The following UBAP2 variants were observed in gnomAD, a reference collection of about 807,000 sequenced individuals.
UBAP2 encodes ubiquitin-associated protein 2.
In UBAP2, 75 loss-of-function variants were observed where a neutral mutation model predicts 139.6. The ratio of observed to expected loss-of-function variants is 0.54; its 90% confidence interval spans 0.45 to 0.65. UBAP2 has a LOEUF of 0.65. Among genes scored for constraint, UBAP2 ranks in the 30% least tolerant of loss-of-function variants. The pLI, the probability that UBAP2 is intolerant of heterozygous loss-of-function variation, is 0.00. For missense variants in UBAP2, 1,368 were observed against 1,369.6 expected (o/e 1.00, Z 0.02); for synonymous variants, 526 against 526.2 (o/e 1.00, Z 0.01).
chr9:33,987,181 C>T (rs141204564), intron 5 of UBAP2, among the ~76,000 whole-genome samples: 470 of 151,960 alleles, frequency 3.1e-3, no homozygotes, highest in African/African-American at 0.011. Flanking sequence ...GAGGCTGAGG[C>T]GGGTGGATCA....
intron 7 of UBAP2, among the ~76,000 whole-genome samples, chr9:33,972,833 C>A (rs947148578): frequency 3.9e-5 from 6 of 152,130 alleles, no homozygotes; most frequent in African/African-American, 1.4e-4. Flanking sequence ...CATTTAGGTA[C>A]GTCTATAGGT....
At chr9:34,024,559 A>C (rs1825244776) in intron 1 of UBAP2, among the ~76,000 whole-genome samples, 1 of 152,204 alleles carries the variant, frequency 6.6e-6, no homozygotes, top group Non-Finnish European at 1.5e-5. Flanking sequence ...TCCAGAGATG[A>C]AACAGGTTTC....
intron 8 of UBAP2, among the ~76,000 whole-genome samples, chr9:33,964,492 C>T (rs537106039): frequency 4.6e-5 from 7 of 152,132 alleles, no homozygotes; most frequent in South Asian, 4.2e-4. Context: ...GCACAACATT[C>T]GGCTTCAAAG....
At chr9:34,015,077 GAAGCACTTTT>G (rs1305802218) in intron 2 of UBAP2, among the ~76,000 whole-genome samples, 1 of 152,320 alleles carries the variant, frequency 6.6e-6, no homozygotes, top group East Asian at 1.9e-4. Context: ...GTGATTTTAA[GAAGCACTTTT>G]AATTAACTAT....
At chr9:34,043,085 C>A (rs1394336507) in intron 1 of UBAP2, among the ~76,000 whole-genome samples, 2 of 152,238 alleles carry the variant, frequency 1.3e-5, no homozygotes, top group Non-Finnish European at 1.5e-5. Context: ...AACAACTCTA[C>A]ATATGTGTTT....
At chr9:33,959,724 C>G (rs890792779) in intron 10 of UBAP2, among the ~76,000 whole-genome samples, 1 of 152,056 alleles carries the variant, frequency 6.6e-6, no homozygotes, top group African/African-American at 2.4e-5. Flanking sequence ...AAAAAAGGTT[C>G]TTCTAGTCAA....
At chr9:34,018,291 C>A (rs890190676) in intron 1 of UBAP2, among the ~76,000 whole-genome samples, 1 of 149,196 alleles carries the variant, frequency 6.7e-6, no homozygotes, top group Non-Finnish European at 1.5e-5. Flanking sequence ...AGAAAACCTG[C>A]TAGACAAATT....
intron 1 of UBAP2, among the ~76,000 whole-genome samples, chr9:34,029,212 C>A (rs773045005): frequency 6.6e-6 from 1 of 152,160 alleles, no homozygotes; most frequent in African/African-American, 2.4e-5. Context: ...CCCAAGAGAA[C>A]TGAAAACACG....
intron 1 of UBAP2, among the ~76,000 whole-genome samples, chr9:34,039,941 T>C (rs994687710): frequency 1.3e-5 from 2 of 150,234 alleles, no homozygotes; most frequent in African/African-American, 2.4e-5. Context: ...GGCGATCACC[T>C]GAGGTCGGGA....
At chr9:33,992,875 G>A (rs1821842260) in intron 4 of UBAP2, among the ~76,000 whole-genome samples, 1 of 152,174 alleles carries the variant, frequency 6.6e-6, no homozygotes, top group African/African-American at 2.4e-5. Context: ...CAGGTCTGAA[G>A]AAACTCTAAG....
At chr9:34,039,194 G>A (rs1368040302) in intron 1 of UBAP2, among the ~76,000 whole-genome samples, 2 of 150,604 alleles carry the variant, frequency 1.3e-5, no homozygotes, top group East Asian at 4.0e-4. Context: ...GGGAGGTGGG[G>A]GGCAGCCCCC....
intron 10 of UBAP2, among the ~76,000 whole-genome samples, chr9:33,957,492 A>G (rs1262094503): frequency 1.3e-5 from 2 of 152,334 alleles, no homozygotes; most frequent in East Asian, 1.9e-4. Flanking sequence ...AGAATTTTAA[A>G]TGAAATCATA....
intron 6 of UBAP2, among the ~76,000 whole-genome samples, chr9:33,975,440 A>AC (rs1393102601): frequency 7.0e-6 from 1 of 143,340 alleles, no homozygotes; most frequent in African/African-American, 2.8e-5. Context: ...TTTAAAAAAA[A>AC]AAAACAAAAA....
chr9:33,934,722 T>TA (rs1348715295), intron 17 of UBAP2, among the ~76,000 whole-genome samples: 1 of 151,278 alleles, frequency 6.6e-6, no homozygotes, highest in African/African-American at 2.4e-5. Flanking sequence ...GAGAAGAGAG[T>TA]ATGGGAAATG....
intron 6 of UBAP2, among the ~76,000 whole-genome samples, chr9:33,977,363 A>G (rs1423781481): frequency 6.6e-6 from 1 of 152,096 alleles, no homozygotes; most frequent in Non-Finnish European, 1.5e-5. Context: ...AAAATTAAAA[A>G]ATCTAATCCA....
intron 6 of UBAP2, among the ~76,000 whole-genome samples, chr9:33,973,867 C>CAGGCAAAAAAAGAAAAAAT (rs1828090878): frequency 6.6e-6 from 1 of 152,058 alleles, no homozygotes; most frequent in African/African-American, 2.4e-5. Flanking sequence ...ACTAAAACTA[C>CAGGCAAAAAAAGAAAAAAT]AGGCAAAAAA....
chr9:34,009,700 T>G (rs1406497594), intron 2 of UBAP2, among the ~76,000 whole-genome samples: 1 of 151,672 alleles, frequency 6.6e-6, no homozygotes, highest in Admixed American at 6.6e-5. Context: ...ACTCAAGCAA[T>G]CCTCCCACCT....
At chr9:33,980,648 T>A (rs1186569920) in intron 6 of UBAP2, among the ~76,000 whole-genome samples, 1 of 152,036 alleles carries the variant, frequency 6.6e-6, no homozygotes, top group East Asian at 1.9e-4. Context: ...TAAAGCACAT[T>A]CAAAACAAAG....
intron 1 of UBAP2, among the ~76,000 whole-genome samples, chr9:34,035,514 A>AAAAAAATATATATATATATATATATATAT: frequency 1.3e-4 from 3 of 22,484 alleles, no homozygotes; most frequent in African/African-American, 3.8e-4. Context: ...AAAAAAAAAA[A>AAAAAAATATATATATATATATATATATAT]ATATATATAT....
Sources: gnomAD v4.1 joint callset for allele counts (sites outside exome capture counted in the v4.1 genomes callset) on GRCh38, gnomAD v4.1.1 for gene constraint, MANE v1.5 for transcripts, NCBI Gene and HGNC (gene_info 2026-07-23, HGNC 2026-07-21) for gene names.